Variants in ADGRV1 observed in about 807,000 individuals in gnomAD.
ADGRV1 encodes adhesion G protein-coupled receptor V1, also known as G-protein coupled receptor 98.
Under a neutral mutation model 596.2 loss-of-function variants are expected in ADGRV1, and 359 were observed. That is an observed-to-expected ratio of 0.60 (90% CI 0.55 to 0.66). The LOEUF is 0.66. Among genes scored for constraint, ADGRV1 ranks in the 30% least tolerant of loss-of-function variants. The pLI is 0.00. For missense variants in ADGRV1, 7,274 were observed against 7,575.6 expected (o/e 0.96, Z 1.48); for synonymous variants, 2,681 against 2,679.2 (o/e 1.00, Z -0.02).
chr5:90,817,056 C>A (rs925342585), intron 75 of ADGRV1, among the ~76,000 whole-genome samples: 2 of 152,202 alleles, frequency 1.3e-5, no homozygotes, highest in African/African-American at 2.4e-5. Flanking sequence ...TATTTCTCCA[C>A]ACCCTTTCCA....
rs549482066 is a variant in ADGRV1 at position 91,100,454 on chromosome 5, G to C, written c.18311-1765G>C. Among the ~76,000 whole-genome samples the C allele has an allele frequency of 2.7e-5, 4 of 150,022 alleles. No homozygotes were observed. In the South Asian group the frequency reaches 8.5e-4, roughly 32 times the overall value. ...ATGTGAAAGAAAAGGAGAGGAAAAAGAAAAGAGAAAGAAAACAAAAAAGGA... is the reference window on the plus strand; with the variant it reads ...ATGTGAAAGAAAAGGAGAGGAAAAACAAAAGAGAAAGAAAACAAAAAAGGA... On this transcript the variant is annotated intron_variant, in intron 86 of 89. Coordinates refer to ENST00000405460, the MANE Select transcript of ADGRV1 (RefSeq NM_032119.4).
intron 82 of ADGRV1, among the ~76,000 whole-genome samples, chr5:90,860,838 G>T (rs1411882114): frequency 6.6e-6 from 1 of 151,864 alleles, no homozygotes; most frequent in Admixed American, 6.6e-5. Context: ...CAAATAATTT[G>T]TAAATATTTT....
At chr5:91,154,884 C>A (rs942179030) in intron 89 of ADGRV1, among the ~76,000 whole-genome samples, 2 of 152,160 alleles carry the variant, frequency 1.3e-5, no homozygotes, top group Non-Finnish European at 2.9e-5. Context: ...GATCCAGTTG[C>A]CTCCACGTGG....
chr5:90,833,517 T>G (rs1764696610), intron 77 of ADGRV1, among the ~76,000 whole-genome samples: 1 of 152,284 alleles, frequency 6.6e-6, no homozygotes, highest in Admixed American at 6.5e-5. Context: ...ACTCCTGGGC[T>G]CAAGCAATCC....
chr5:90,704,157 G>A (rs767897286), intron 35 of ADGRV1, among the ~76,000 whole-genome samples: 1 of 152,092 alleles, frequency 6.6e-6, no homozygotes, highest in African/African-American at 2.4e-5. Context: ...CAATAAATAA[G>A]ATTTATGTTC....
At chr5:90,659,159 G>C (rs1471923414) in intron 21 of ADGRV1, among the ~76,000 whole-genome samples, 2 of 152,068 alleles carry the variant, frequency 1.3e-5, no homozygotes, top group East Asian at 1.9e-4. Flanking sequence ...CAAATAGTAT[G>C]GTCCTTTTTT....
intron 85 of ADGRV1, among the ~76,000 whole-genome samples, chr5:91,026,820 G>A (rs536915671): frequency 5.3e-5 from 8 of 151,944 alleles, no homozygotes; most frequent in Non-Finnish European, 1.2e-4. Context: ...AATAGGATCC[G>A]AGACCCACAG....
intron 69 of ADGRV1, among the ~76,000 whole-genome samples, chr5:90,790,523 C>T (rs1057511547): frequency 1.2e-4 from 18 of 152,226 alleles, no homozygotes; most frequent in African/African-American, 3.6e-4. Context: ...TTTGAATTGT[C>T]AAATTATCTA....
At chr5:90,774,882 C>G (rs1202851808) in intron 60 of ADGRV1, among the ~76,000 whole-genome samples, 2 of 152,114 alleles carry the variant, frequency 1.3e-5, no homozygotes, top group South Asian at 2.1e-4. Context: ...TCACACTTTA[C>G]CTTTGTAATA....
intron 85 of ADGRV1, among the ~76,000 whole-genome samples, chr5:91,014,342 T>C (rs1380693998): frequency 6.6e-6 from 1 of 152,004 alleles, no homozygotes; most frequent in Non-Finnish European, 1.5e-5. Context: ...AGTTTTTCTT[T>C]TGTTGTTTCT....
intron 83 of ADGRV1, among the ~76,000 whole-genome samples, chr5:90,921,805 T>TG (rs199867349): frequency 1.5e-4 from 23 of 151,014 alleles, no homozygotes; most frequent in Non-Finnish European, 2.7e-4. Context: ...TGTTTTTTTT[T>TG]TTTTTTTTTT....
chr5:90,820,577 T>C (rs374973912), intron 75 of ADGRV1, among the ~76,000 whole-genome samples: 2 of 151,908 alleles, frequency 1.3e-5, no homozygotes, highest in African/African-American at 2.4e-5. Context: ...CCATGTTTAG[T>C]GCTTGCTTCA....
At chr5:91,129,452 A>T (rs1287220355) in intron 87 of ADGRV1, among the ~76,000 whole-genome samples, 2 of 152,208 alleles carry the variant, frequency 1.3e-5, no homozygotes, top group Non-Finnish European at 2.9e-5. Flanking sequence ...TATATTTTAA[A>T]GTCTGCCTTT....
chr5:90,690,940 G>A lies in ADGRV1; in HGVS notation c.6850G>A (p.Asp2284Asn), dbSNP rs377716150. The A allele has an allele frequency of 5.6e-6, 9 of 1,613,690 alleles. No homozygotes were observed. Among genetic ancestry groups the A allele is most frequent in the Middle Eastern group, 1.6e-4 (1 of 6,082 alleles). The change falls in exon 31 of 90, where the codon GAC becomes AAC. Residue 2284 changes from aspartate (D) to asparagine (N), a missense_variant. Transcript: ENST00000405460. ...ATINGQLATGDLRVVSGNVTF... is the reference protein window; with the variant it reads ...ATINGQLATGNLRVVSGNVTF... Reference sequence around the variant, plus strand: ...CATTAATGGACAGCTTGCTACTGGCGACCTGCGAGTTGTCTCAGGTAATGT... The same window carrying A: ...CATTAATGGACAGCTTGCTACTGGCAACCTGCGAGTTGTCTCAGGTAATGT...
intron 87 of ADGRV1, among the ~76,000 whole-genome samples, chr5:91,139,302 T>C (rs573160445): frequency 8.8e-4 from 134 of 152,330 alleles, no homozygotes; most frequent in African/African-American, 2.7e-3. Flanking sequence ...TGAGTTTTTT[T>C]CCTGTTATTT....
chr5:90,614,670 T>A lies in ADGRV1; in HGVS notation c.23-165T>A, dbSNP rs189904154. ...AGAATAGAATCGTGTTTTTTTAACT[T>A]CTGTCGTCACATATTTGAGTTTGAT... is the stretch of plus-strand genomic sequence containing the variant. On this transcript the variant is annotated intron_variant, in intron 1 of 89. Transcript: ENST00000405460. 152 of 686,716 alleles carry A rather than the reference T, an allele frequency of 2.2e-4. No homozygotes were observed. In the East Asian group the frequency reaches 4.2e-3, roughly 19 times the overall value. The allele number at this position is 686,716 out of a possible 1,614,324, so 42.5% of individuals were successfully genotyped here.
At chr5:90,621,931 A>G (rs1378754285) in intron 4 of ADGRV1, among the ~76,000 whole-genome samples, 1 of 151,602 alleles carries the variant, frequency 6.6e-6, no homozygotes, top group Non-Finnish European at 1.5e-5. Flanking sequence ...CCTCATCACA[A>G]CCCTTCAAGA....
At position 90,657,985 on chromosome 5, in the gene ADGRV1, G is replaced by C. The variant is rs1366888463; in HGVS notation, c.4459G>C (p.Glu1487Gln). Residue 1487 changes from glutamate to glutamine, a missense_variant, in exon 21 of 90, where the codon GAG (glutamate) becomes CAG (glutamine). Coordinates refer to ENST00000405460, the MANE Select transcript of ADGRV1 (RefSeq NM_032119.4). Reference protein sequence around the residue: ...TGLMQDVRSYERKLTLEEIYE... With the variant: ...TGLMQDVRSYQRKLTLEEIYE... ...TCTGATGCAGGATGTGAGGTCCTATGAGCGGAAACTGACGCTTGAAGAAAT... is the reference window on the plus strand; with the variant it reads ...TCTGATGCAGGATGTGAGGTCCTATCAGCGGAAACTGACGCTTGAAGAAAT... The C allele has an allele frequency of 6.2e-7, 1 of 1,613,932 alleles. No individual in the cohort carries two copies. Among genetic ancestry groups the C allele is most frequent in the South Asian group, 1.1e-5 (1 of 91,070 alleles).
intron 85 of ADGRV1, among the ~76,000 whole-genome samples, chr5:91,023,736 G>A (rs376861934): frequency 2.0e-5 from 3 of 152,248 alleles, no homozygotes; most frequent in African/African-American, 7.2e-5. Flanking sequence ...GAGCAAGGCT[G>A]TTGGAGTTAC....
Sources: allele counts gnomAD v4.1 joint callset (sites outside exome capture counted in the v4.1 genomes callset), GRCh38; gene constraint gnomAD v4.1.1; transcripts MANE v1.5; gene names NCBI Gene and HGNC (gene_info 2026-07-23, HGNC 2026-07-21).